SMYD4: variants seen among roughly 807,000 people sequenced by gnomAD.
SMYD4 encodes the protein protein-lysine N-methyltransferase SMYD4.
In SMYD4, 68 loss-of-function variants were observed where a neutral mutation model predicts 72.8. The ratio of observed to expected loss-of-function variants is 0.93; its 90% CI spans 0.77 to 1.14. SMYD4 has a LOEUF of 1.14. Among genes scored for constraint, SMYD4 ranks in the 50% most tolerant of loss-of-function variants. SMYD4 has a pLI of 0.00. For synonymous variants in SMYD4, 407 were observed against 388.6 expected (o/e 1.05, Z -0.56); for missense variants, 984 against 1,003.7 (o/e 0.98, Z 0.27).
chr17:1,781,011 C>G lies in SMYD4; in HGVS notation c.*275G>C, dbSNP rs2151216142. On this transcript the variant is annotated 3_prime_UTR_variant, in exon 11 of 11. Coordinates refer to ENST00000305513, the MANE Select transcript of SMYD4 (RefSeq NM_052928.3). ...CTCGGCTCACTGCAACCTCCGCCTC[C>G]TGGGTTCAAGAGATTCTCCTGCCTC... The G allele has an allele frequency of 3.8e-6, 1 of 262,766 alleles. No individual in the cohort carries two copies. Among genetic ancestry groups the G allele is most frequent in the East Asian group, 1.1e-4 (1 of 9,214 alleles). 16.3% of individuals were successfully genotyped at this position (262,766 alleles called of 1,614,324 possible). A position where few individuals can be genotyped will look rare whatever the true frequency, so the allele number is the denominator to read the frequency against.
rs189865799 is a variant in SMYD4, at chr17:1,787,408, G to T, written c.1720+14C>A. 154 of 1,552,504 alleles carry T rather than the reference G, an allele frequency of 9.9e-5. No individual in the cohort carries two copies. In the African/African-American group the frequency reaches 1.9e-3, roughly 19 times the overall value. ...TGGAGAAGGGCAGGATGGCAGTGCGGAGGGATGGCTCACCATAGCAGTGGA... is the reference window on the plus strand; with the variant it reads ...TGGAGAAGGGCAGGATGGCAGTGCGTAGGGATGGCTCACCATAGCAGTGGA... On this transcript the variant is annotated intron_variant, in intron 6 of 10. Coordinates refer to ENST00000305513, the MANE Select transcript of SMYD4 (RefSeq NM_052928.3).
intron 3 of SMYD4, among the ~76,000 whole-genome samples, chr17:1,807,075 A>T (rs545092252): frequency 6.6e-6 from 1 of 151,828 alleles, no homozygotes; most frequent in Non-Finnish European, 1.5e-5. Context: ...TTTTTAGTAG[A>T]GACAGGGTTT....
chr17:1,782,030 A>G (rs1908392947), intron 10 of SMYD4: 1 of 152,166 alleles, frequency 6.6e-6, no homozygotes, highest in South Asian at 2.1e-4. Context: ...TCATAGCCAC[A>G]TACACCAAGG....
At chr17:1,802,256 C>T (rs1301335679) in intron 4 of SMYD4, among the ~76,000 whole-genome samples, 1 of 151,706 alleles carries the variant, frequency 6.6e-6, no homozygotes, top group Non-Finnish European at 1.5e-5. Context: ...TATGGGAGAC[C>T]GAGGTGGGCG....
intron 5 of SMYD4, among the ~76,000 whole-genome samples, chr17:1,790,761 C>T (rs1042061843): frequency 1.3e-5 from 2 of 151,940 alleles, no homozygotes; most frequent in African/African-American, 4.8e-5. Context: ...GTGATCCACC[C>T]ACCTTGGCCT....
chr17:1,787,021 AAC>A (rs1908732168), intron 6 of SMYD4, 48 bp from the exon 7 acceptor site: 1 of 1,484,080 alleles, frequency 6.7e-7, no homozygotes, highest in East Asian at 2.3e-5. Context: ...GAGAGAGTCA[AAC>A]ACTACGTAAA....
At chr17:1,823,501 T>C (rs1356915526) in intron 2 of SMYD4, among the ~76,000 whole-genome samples, 2 of 151,034 alleles carry the variant, frequency 1.3e-5, no homozygotes, top group African/African-American at 4.9e-5. Flanking sequence ...GAACAATGAC[T>C]ATGTGTGTGC....
intron 4 of SMYD4, among the ~76,000 whole-genome samples, chr17:1,801,482 C>T (rs1252760341): frequency 2.0e-5 from 3 of 151,552 alleles, no homozygotes; most frequent in South Asian, 4.2e-4. Context: ...CCTCATGATA[C>T]GCCCGCCTCA....
rs536039194 is a variant in SMYD4 at position 1,794,065 on chromosome 17, A to G, written c.1537+5792T>C. Among the ~76,000 whole-genome samples, 16 of 58,332 alleles carry G rather than the reference A, an allele frequency of 2.7e-4. 1 individual carries two copies. In the South Asian group the frequency reaches 3.2e-3, roughly 12 times the overall value. 38.3% of individuals were successfully genotyped at this position (58,332 alleles called of 152,430 possible). Reference sequence around the variant, plus strand: ...TGTATATATATATGTGTGTATATATATGTGTATATATATGTGTATATATAT... The same window carrying G: ...TGTATATATATATGTGTGTATATATGTGTGTATATATATGTGTATATATAT... On this transcript the variant is annotated intron_variant, in intron 5 of 10. Coordinates refer to ENST00000305513, the MANE Select transcript of SMYD4 (RefSeq NM_052928.3).
intron 5 of SMYD4, among the ~76,000 whole-genome samples, 159 bp downstream of exon 5, chr17:1,799,698 A>G (rs1430169366): frequency 1.3e-5 from 2 of 152,136 alleles, no homozygotes; most frequent in Admixed American, 1.3e-4. Flanking sequence ...AAGGTCATAT[A>G]GCTTCTTAAT....
In SMYD4 at chr17:1,827,962, A is replaced by C. The variant is rs757894544; in HGVS notation, c.33T>G (p.Tyr11Ter). 1 of 1,613,456 alleles carries C rather than the reference A, an allele frequency of 6.2e-7. No homozygotes were observed. The highest frequency in any genetic ancestry group is 1.3e-5 in the African/African-American group (1 of 75,034). The change falls in exon 2 of 11, where the codon TAT becomes TAG. Residue 11 changes from tyrosine to a stop codon, truncating the protein, a stop_gained. Coordinates refer to ENST00000305513, the MANE Select transcript of SMYD4 (RefSeq NM_052928.3). LOFTEE classifies it high-confidence loss of function. Reference sequence around the variant, plus strand: ...GGAGTGAAGCCCACTTTTGAAGCAGATATGATTTCCATTCATCCACAGGCA... The same window carrying C: ...GGAGTGAAGCCCACTTTTGAAGCAGCTATGATTTCCATTCATCCACAGGCA... MDLPVDEWKS[Y>*]LLQKWASLPT...
intron 1 of SMYD4, chr17:1,829,465 C>A (rs892661040): frequency 6.6e-6 from 1 of 152,332 alleles, no homozygotes; most frequent in African/African-American, 2.4e-5. Flanking sequence ...ACCCTTGGGG[C>A]CTGTACCACG....
At chr17:1,818,734 A>T (rs915541826) in intron 2 of SMYD4, among the ~76,000 whole-genome samples, 3 of 151,842 alleles carry the variant, frequency 2.0e-5, no homozygotes, top group African/African-American at 4.8e-5. Context: ...ACCTCTGCTC[A>T]CTGCAACCTC....
rs111636314 is a variant in SMYD4 at position 1,826,491 on chromosome 17, C to CA, written c.134+1369dup. Among the ~76,000 whole-genome samples, 384 of 102,922 alleles carry CA rather than the reference C, an allele frequency of 3.7e-3. 2 individuals are homozygous for CA. Among genetic ancestry groups the CA allele is most frequent in the African/African-American group, 5.5e-3 (174 of 31,514 alleles). The allele number at this position is 102,922 out of a possible 152,430, so 67.5% of individuals were successfully genotyped here. ...TGGGCAACAAGAGCAAAACTCTGTC[C>CA]AAAAAAAAAAAAAAAAAAAAAAAAA... is the stretch of plus-strand genomic sequence containing the variant. On this transcript the variant is annotated intron_variant, in intron 2 of 10. Transcript: ENST00000305513.
chr17:1,805,719 G>C (rs1909995388), intron 3 of SMYD4, among the ~76,000 whole-genome samples: 1 of 151,320 alleles, frequency 6.6e-6, no homozygotes, highest in African/African-American at 2.4e-5. Flanking sequence ...GGGTGAGGCA[G>C]GAGAATTGCT....
At chr17:1,819,930 G>A (rs1910809239) in intron 2 of SMYD4, among the ~76,000 whole-genome samples, 1 of 152,136 alleles carries the variant, frequency 6.6e-6, no homozygotes, top group Non-Finnish European at 1.5e-5. Flanking sequence ...TGGGATTACA[G>A]GCACCTGACA....
intron 4 of SMYD4, among the ~76,000 whole-genome samples, chr17:1,804,082 G>A (rs535618137): frequency 6.6e-6 from 1 of 151,608 alleles, no homozygotes; most frequent in South Asian, 2.1e-4. Flanking sequence ...TCACCATTTT[G>A]GCCAGGATGG....
rs1251576826 is a variant in SMYD4, at chr17:1,804,730, A to G, written c.280-15T>C. The G allele has an allele frequency of 6.2e-7, 1 of 1,611,282 alleles. No homozygotes were observed. Among genetic ancestry groups the G allele is most frequent in the African/African-American group, 1.3e-5 (1 of 74,860 alleles). ...TGTGACACTCCCTGCAAAACAATGAACTGGTTAAAAGTATAAATGGACACC... is the reference window on the plus strand; with the variant it reads ...TGTGACACTCCCTGCAAAACAATGAGCTGGTTAAAAGTATAAATGGACACC... On this transcript the variant is annotated splice_polypyrimidine_tract_variant and intron_variant, in intron 3 of 10. Transcript: ENST00000305513.
chr17:1,782,100 C>A (rs1036291189), intron 10 of SMYD4: 2 of 152,182 alleles, frequency 1.3e-5, no homozygotes, highest in African/African-American at 4.8e-5. Context: ...CCTAAATGGT[C>A]TCAGTAGCAA....
Sources: gnomAD v4.1 joint callset for allele counts (sites outside exome capture counted in the v4.1 genomes callset) on GRCh38, gnomAD v4.1.1 for gene constraint, MANE v1.5 for transcripts, NCBI Gene and HGNC (gene_info 2026-07-23, HGNC 2026-07-21) for gene names.